Variants in STXBP6 observed in about 807,000 individuals in gnomAD.
STXBP6 encodes syntaxin-binding protein 6.
A neutral mutation model predicts 26.9 loss-of-function variants in STXBP6; 21 were observed. The observed-to-expected ratio is 0.78, with a 90% confidence interval of 0.55 to 1.12. The LOEUF (loss-of-function observed/expected upper bound fraction) is 1.12, where lower values mean the gene tolerates loss of function less well. Ranked by LOEUF, STXBP6 falls within the 50% of genes most tolerant of loss-of-function variation. STXBP6 has a pLI of 0.00. For synonymous variants in STXBP6, 97 were observed against 92.6 expected (o/e 1.05, Z -0.27); for missense variants, 232 against 257.9 (o/e 0.90, Z 0.69).
intron 2 of STXBP6, among the ~76,000 whole-genome samples, chr14:24,888,363 C>A: frequency 6.6e-6 from 1 of 152,150 alleles, no homozygotes. Flanking sequence ...ATCAGAGAAT[C>A]TCCCCAAATC....
At chr14:25,046,919 C>G (rs1217298149) in intron 1 of STXBP6, among the ~76,000 whole-genome samples, 3 of 152,204 alleles carry the variant, frequency 2.0e-5, no homozygotes, top group Non-Finnish European at 4.4e-5. Flanking sequence ...AGGGTCTCAG[C>G]CACTGCCAAT....
intron 2 of STXBP6, among the ~76,000 whole-genome samples, chr14:24,936,509 A>T (rs1478229289): frequency 6.6e-6 from 1 of 152,234 alleles, no homozygotes; most frequent in Non-Finnish European, 1.5e-5. Context: ...TTAGATTTGT[A>T]AAGAATCTTA....
chr14:24,994,256 C>CTA (rs1260122226), intron 1 of STXBP6, among the ~76,000 whole-genome samples: 1 of 152,160 alleles, frequency 6.6e-6, no homozygotes, highest in Non-Finnish European at 1.5e-5. Context: ...TTGCCTCCAT[C>CTA]TAATACATTC....
chr14:24,916,868 A>G (rs190690017), intron 2 of STXBP6, among the ~76,000 whole-genome samples: 1 of 152,256 alleles, frequency 6.6e-6, no homozygotes, highest in African/African-American at 2.4e-5. Flanking sequence ...AAGTTTGAGA[A>G]GAACTGATTT....
At chr14:24,927,865 C>CA (rs2072234741) in intron 2 of STXBP6, among the ~76,000 whole-genome samples, 1 of 151,590 alleles carries the variant, frequency 6.6e-6, no homozygotes, top group Admixed American at 6.6e-5. Context: ...AATAAAAACT[C>CA]TTTTTTTTTC....
At chr14:24,914,394 C>CT (rs2071682562) in intron 2 of STXBP6, among the ~76,000 whole-genome samples, 1 of 152,024 alleles carries the variant, frequency 6.6e-6, no homozygotes, top group South Asian at 2.1e-4. Context: ...TTTTATTTTA[C>CT]TTTTTTTAAA....
intron 1 of STXBP6, among the ~76,000 whole-genome samples, chr14:25,046,086 CTAATGACCAAAAAGAAATAAAGTGTCA>C (rs1341570903): frequency 3.3e-5 from 5 of 152,218 alleles, no homozygotes; most frequent in South Asian, 2.1e-4. Flanking sequence ...AATAACAGTC[CTAATGACCAAAAAGAAATAAAGTGTCA>C]TAATGACCGT....
At chr14:24,878,747 A>G (rs1349853722) in intron 2 of STXBP6, 1 of 448,224 alleles carries the variant, frequency 2.2e-6, no homozygotes, top group South Asian at 1.6e-5. Flanking sequence ...CACACGTTTC[A>G]TCCTCATTAG....
intron 2 of STXBP6, among the ~76,000 whole-genome samples, chr14:24,966,737 A>G (rs1419647701): frequency 6.6e-6 from 1 of 152,246 alleles, no homozygotes; most frequent in African/African-American, 2.4e-5. Flanking sequence ...ACAACAGAAG[A>G]AAACAAATTC....
chr14:25,041,635 G>GAC (rs10659753), intron 1 of STXBP6, among the ~76,000 whole-genome samples: 93,940 of 151,906 alleles, frequency 0.62, 30,634 homozygotes, highest in African/African-American at 0.85. Flanking sequence ...TTAGTCACCA[G>GAC]AGCGGTTATG....
At chr14:24,831,839 T>C (rs2138916858) in intron 4 of STXBP6, among the ~76,000 whole-genome samples, 1 of 152,198 alleles carries the variant, frequency 6.6e-6, no homozygotes, top group East Asian at 1.9e-4. Flanking sequence ...ACCCCCATTG[T>C]TTGAGATTGG....
At chr14:24,929,912 G>A (rs1260538275) in intron 2 of STXBP6, among the ~76,000 whole-genome samples, 1 of 152,156 alleles carries the variant, frequency 6.6e-6, no homozygotes, top group Non-Finnish European at 1.5e-5. Context: ...GGCTTCTAAA[G>A]AATCTAGAAA....
intron 1 of STXBP6, among the ~76,000 whole-genome samples, chr14:25,045,822 G>T (rs939743609): frequency 6.6e-6 from 1 of 151,902 alleles, no homozygotes; most frequent in African/African-American, 2.4e-5. Flanking sequence ...TGGTCAGGCT[G>T]CTCTTGAACT....
intron 4 of STXBP6, among the ~76,000 whole-genome samples, chr14:24,836,392 C>A: frequency 6.6e-6 from 1 of 151,898 alleles, no homozygotes; most frequent in Admixed American, 6.6e-5. Context: ...AGGTTAGCAG[C>A]TCGAGACCAG....
At chr14:24,979,858 A>G (rs558043420) in intron 1 of STXBP6, among the ~76,000 whole-genome samples, 8 of 152,290 alleles carry the variant, frequency 5.3e-5, no homozygotes, top group African/African-American at 1.9e-4. Context: ...CTTCCTCTAA[A>G]GGACTCCAGT....
rs547337166 is a variant in STXBP6, at chr14:24,882,357, C to T, written c.155-25200G>A. 2.3e-3 allele frequency among the ~76,000 whole-genome samples: 249 copies of T among 106,184 alleles called. 1 individual carries two copies. The highest frequency in any genetic ancestry group is 0.015 in the Middle Eastern group (2 of 136). 69.7% of individuals were successfully genotyped at this position (106,184 alleles called of 152,430 possible). A position where few individuals can be genotyped will look rare whatever the true frequency, so the allele number is the denominator to read the frequency against. ...TCCCGCCACTGCACTCCAGCCTGGG[C>T]GACAGAGCGAGACTCCGTCTCAAAA... On this transcript the variant is annotated intron_variant, in intron 2 of 5. Coordinates refer to ENST00000323944, the MANE Select transcript of STXBP6 (RefSeq NM_001394410.1).
chr14:24,913,415 T>C (rs2071646614), intron 2 of STXBP6, among the ~76,000 whole-genome samples: 1 of 152,208 alleles, frequency 6.6e-6, no homozygotes, highest in Non-Finnish European at 1.5e-5. Flanking sequence ...CTGATCACTA[T>C]ATATAATATG....
chr14:24,868,722 A>C (rs1008487109), intron 2 of STXBP6, among the ~76,000 whole-genome samples: 25 of 152,294 alleles, frequency 1.6e-4, no homozygotes, highest in East Asian at 1.9e-4. Context: ...AAAGCAGGGA[A>C]ACCCTTTTGG....
At position 24,878,217 on chromosome 14, in the gene STXBP6, T is replaced by C. The variant is rs755600819; in HGVS notation, c.155-21060A>G. Among the ~76,000 whole-genome samples, 6 of 152,240 alleles carry C rather than the reference T, an allele frequency of 3.9e-5. No individual in the cohort carries two copies. In the East Asian group the frequency reaches 7.7e-4, roughly 20 times the overall value. ...ACATTTTGGCAGTTTTGTTTTGTTA[T>C]GCTTTTTTTAAAAAATAGTCATTCA... On this transcript the variant is annotated intron_variant, in intron 2 of 5. Coordinates refer to ENST00000323944, the MANE Select transcript of STXBP6 (RefSeq NM_001394410.1).
Sources: gnomAD v4.1 joint callset for allele counts (sites outside exome capture counted in the v4.1 genomes callset) on GRCh38, gnomAD v4.1.1 for gene constraint, MANE v1.5 for transcripts, NCBI Gene and HGNC (gene_info 2026-07-23, HGNC 2026-07-21) for gene names.